The following FAF2 variants were observed in gnomAD, a reference collection of about 807,000 sequenced individuals.
FAF2 encodes Fas associated factor family member 2.
Under a neutral mutation model 62.3 loss-of-function variants are expected in FAF2, and 9 were observed. The observed-to-expected ratio is 0.14, with a 90% CI of 0.09 to 0.25. FAF2 has a LOEUF of 0.25. Among genes scored for constraint, FAF2 ranks in the 10% least tolerant of loss-of-function variants. FAF2 has a pLI of 1.00. For missense variants in FAF2, 368 were observed against 556.2 expected, an observed-to-expected ratio of 0.66 and a Z score of 3.40; for synonymous variants, 202 against 198.0, an observed-to-expected ratio of 1.02 and a Z score of -0.17.
intron 1 of FAF2, among the ~76,000 whole-genome samples, chr5:176,449,076 G>A (rs1450372399): frequency 7.2e-5 from 11 of 152,164 alleles, no homozygotes; most frequent in African/African-American, 2.4e-4. Flanking sequence ...ATTACTTTTG[G>A]CTTATTCCTG....
chr5:176,491,364 C>G (rs1021348430), intron 4 of FAF2, among the ~76,000 whole-genome samples: 3 of 152,142 alleles, frequency 2.0e-5, no homozygotes. Flanking sequence ...GTATTCTTCA[C>G]TTTACAAGAG....
At chr5:176,453,344 A>T (rs1009639591) in intron 1 of FAF2, 1 of 152,170 alleles carries the variant, frequency 6.6e-6, no homozygotes, top group Non-Finnish European at 1.5e-5. Flanking sequence ...CTGGAGAAGG[A>T]TGACATGGAC....
intron 1 of FAF2, among the ~76,000 whole-genome samples, chr5:176,477,012 G>A (rs1388118487): frequency 2.6e-5 from 4 of 150,944 alleles, no homozygotes; most frequent in East Asian, 3.9e-4. Flanking sequence ...GTTTCACCAT[G>A]TTAGCCAGGA....
intron 1 of FAF2, among the ~76,000 whole-genome samples, chr5:176,477,169 T>A (rs1420347303): frequency 2.1e-5 from 3 of 140,318 alleles, no homozygotes; most frequent in Non-Finnish European, 4.6e-5. Flanking sequence ...ATGGTCTGGA[T>A]CTCCTGACCT....
intron 1 of FAF2, among the ~76,000 whole-genome samples, chr5:176,467,048 G>A (rs1758480229): frequency 6.6e-6 from 1 of 152,110 alleles, no homozygotes; most frequent in Non-Finnish European, 1.5e-5. Context: ...GAGGAGGAAG[G>A]AGGGAAAGGA....
intron 1 of FAF2, among the ~76,000 whole-genome samples, chr5:176,475,685 T>C (rs1758675985): frequency 6.6e-6 from 1 of 151,982 alleles, no homozygotes; most frequent in South Asian, 2.1e-4. Flanking sequence ...GGAGAATCAC[T>C]TGAACCCAGG....
intron 1 of FAF2, among the ~76,000 whole-genome samples, chr5:176,465,091 A>G (rs1035862243): frequency 1.3e-5 from 2 of 152,134 alleles, no homozygotes; most frequent in Admixed American, 6.5e-5. Flanking sequence ...GGGTTTCACC[A>G]TGTTGGCCAG....
chr5:176,500,315 C>T (rs1013622090), intron 10 of FAF2, among the ~76,000 whole-genome samples, 169 bp downstream of exon 10: 1 of 151,982 alleles, frequency 6.6e-6, no homozygotes, highest in African/African-American at 2.4e-5. Context: ...GGAAGAGTAC[C>T]GAGGACTGCT....
intron 1 of FAF2, among the ~76,000 whole-genome samples, chr5:176,460,555 T>TG (rs1491182423): frequency 1.7e-4 from 26 of 148,888 alleles, no homozygotes; most frequent in Admixed American, 7.4e-4. Flanking sequence ...TGTGTGTGTA[T>TG]TTTTTTTTTC....
At chr5:176,488,844 A>G (rs923314962) in intron 3 of FAF2, 107 bp from the exon 4 acceptor site, 3 of 839,226 alleles carry the variant, frequency 3.6e-6, no homozygotes, top group Admixed American at 2.1e-5. Context: ...CTTTAGAGGA[A>G]CAAATCACAT....
chr5:176,451,847 C>CAT (rs1299675870), intron 1 of FAF2, among the ~76,000 whole-genome samples: 5 of 22,376 alleles, frequency 2.2e-4, no homozygotes, highest in African/African-American at 7.9e-4. Flanking sequence ...TATATACACA[C>CAT]ATATATATAC....
At chr5:176,497,244 C>T (rs1340501253) in intron 8 of FAF2, among the ~76,000 whole-genome samples, 4 of 150,260 alleles carry the variant, frequency 2.7e-5, no homozygotes, top group South Asian at 2.1e-4. Flanking sequence ...TAAAGAACTT[C>T]GATGTAAAAA....
At chr5:176,489,913 T>C (rs1481854101) in intron 4 of FAF2, among the ~76,000 whole-genome samples, 1 of 152,200 alleles carries the variant, frequency 6.6e-6, no homozygotes, top group African/African-American at 2.4e-5. Flanking sequence ...CTTTTATGTA[T>C]ATACCCACTT....
At chr5:176,490,243 G>A (rs1758950472) in intron 4 of FAF2, among the ~76,000 whole-genome samples, 1 of 151,644 alleles carries the variant, frequency 6.6e-6, no homozygotes, top group Admixed American at 6.6e-5. Context: ...CCCGGGAGGC[G>A]GAGCTTGCAG....
chr5:176,463,131 G>A (rs376003381), intron 1 of FAF2, among the ~76,000 whole-genome samples: 2 of 152,124 alleles, frequency 1.3e-5, no homozygotes, highest in East Asian at 3.8e-4. Context: ...GGTGGCTCAT[G>A]CCTGTAATCC....
intron 1 of FAF2, among the ~76,000 whole-genome samples, chr5:176,460,513 C>CGTGTGTGTGTGTGT (rs747582699): frequency 4.5e-5 from 6 of 132,658 alleles, no homozygotes; most frequent in East Asian, 2.2e-4. Context: ...TTTTTGGCCG[C>CGTGTGTGTGTGTGT]GTGTGTGTGT....
At chr5:176,448,916 G>T (rs530650493) in intron 1 of FAF2, among the ~76,000 whole-genome samples, 1 of 152,308 alleles carries the variant, frequency 6.6e-6, no homozygotes, top group South Asian at 2.1e-4. Context: ...ACAAACTGGG[G>T]CCTCTTGGAT....
rs899716240 is a variant in FAF2 at position 176,507,183 on chromosome 5, G to T, written c.*233G>T. 2.5e-5 allele frequency: 9 copies of T among 363,348 alleles called. No individual in the cohort carries two copies. The East Asian group carries it at 5.6e-4, about 23-fold the overall frequency. 22.5% of individuals were successfully genotyped at this position (363,348 alleles called of 1,614,324 possible). A position where few individuals can be genotyped will look rare whatever the true frequency, so the allele number is the denominator to read the frequency against. ...CGCAAGGTTAGCAACAAACGTACCC[G>T]CTTGGCAAGCCCACCCTTCCTGTGG... On this transcript the variant is annotated 3_prime_UTR_variant, in exon 11 of 11. Transcript: ENST00000261942.
chr5:176,483,928 A>C (rs1758828825), intron 2 of FAF2, among the ~76,000 whole-genome samples: 1 of 152,084 alleles, frequency 6.6e-6, no homozygotes, highest in Non-Finnish European at 1.5e-5. Context: ...TACAAAAATT[A>C]GCTGTGTGTG....
Sources: allele counts gnomAD v4.1 joint callset (sites outside exome capture counted in the v4.1 genomes callset), GRCh38; gene constraint gnomAD v4.1.1; transcripts MANE v1.5; gene names NCBI Gene and HGNC (gene_info 2026-07-23, HGNC 2026-07-21).